The following GIGYF1 variants were observed in gnomAD, a reference collection of about 807,000 sequenced individuals.
The protein encoded by GIGYF1 is GRB10 interacting GYF protein 1, also known as GRB10-interacting GYF protein 1.
In GIGYF1, 84 loss-of-function variants were observed where a neutral mutation model predicts 147.1. The ratio of observed to expected loss-of-function variants is 0.57; its 90% CI spans 0.48 to 0.68. GIGYF1 has a LOEUF of 0.68. Ranked by LOEUF, GIGYF1 falls within the 30% of genes least tolerant of loss-of-function variation. The pLI is 0.00. For synonymous variants in GIGYF1, 752 were observed against 589.5 expected (o/e 1.28, Z -3.99); for missense variants, 1,485 against 1,393.7 (o/e 1.07, Z -1.04).
chr7:100,685,624 T>C (rs980250488), intron 12 of GIGYF1, 143 bp from the exon 13 acceptor site: 2 of 901,246 alleles, frequency 2.2e-6, no homozygotes, highest in Non-Finnish European at 1.7e-6. Context: ...ACTCAACTAA[T>C]GGCAGAGGGA....
chr7:100,687,139 C>T, intron 8 of GIGYF1, 93 bp from the exon 9 acceptor site: 1 of 1,557,858 alleles, frequency 6.4e-7, no homozygotes, highest in Non-Finnish European at 8.9e-7. Context: ...TGCCCTGAGG[C>T]AGTGGAGGGA....
rs201435594 is a variant in GIGYF1 at position 100,683,483 on chromosome 7, G to C, written c.2053-39C>G. 4.1e-5 allele frequency: 66 copies of C among 1,613,860 alleles called. No homozygotes were observed. In the African/African-American group the frequency reaches 6.9e-4, roughly 17 times the overall value. On this transcript the variant is annotated intron_variant, in intron 20 of 26. Coordinates refer to ENST00000678049, the MANE Select transcript of GIGYF1 (RefSeq NM_001375765.1). Reference sequence around the variant, plus strand: ...CCCATCAGAGGGGAGAGCTGCAGGGGACAGCCTGGGGCCTGCCTCGGTCCA... The same window carrying C: ...CCCATCAGAGGGGAGAGCTGCAGGGCACAGCCTGGGGCCTGCCTCGGTCCA...
chr7:100,683,959 C>G, intron 18 of GIGYF1, 41 bp from the exon 19 acceptor site: 1 of 1,568,546 alleles, frequency 6.4e-7, no homozygotes, highest in Non-Finnish European at 8.6e-7. Flanking sequence ...CCAAATCCAT[C>G]TCTGGTCTGC....
At position 100,683,052 on chromosome 7, in the gene GIGYF1, G is replaced by A. The variant is rs1440419323; in HGVS notation, c.2372C>T (p.Pro791Leu). 5.7e-6 allele frequency: 9 copies of A among 1,572,848 alleles called. No individual in the cohort carries two copies. The African/African-American group carries it at 9.4e-5, about 16-fold the overall frequency. Residue 791 changes from proline (P) to leucine (L), a missense_variant, in exon 22 of 27, where the codon CCT becomes CTT. Pro to Leu is a moderately conservative substitution (Grantham distance 98). Coordinates refer to ENST00000678049, the MANE Select transcript of GIGYF1 (RefSeq NM_001375765.1). ...GGCCTGGGCCCGAGCTGGCTCCCGA[G>A]GTGGGGGCTGTTTGTGCAGCTGCCG... ...GERQLHKQPP[P>L]REPARAQAPN...
In GIGYF1 at chr7:100,682,091, T is replaced by C; in HGVS notation, c.2906A>G (p.Gln969Arg). The C allele has an allele frequency of 6.2e-7, 1 of 1,613,526 alleles. No individual in the cohort carries two copies. The highest frequency in any genetic ancestry group is 8.5e-7 in the Non-Finnish European group (1 of 1,179,824). Reference protein sequence around the residue: ...LERRAKQKASQQRQQQQEAWL... With the variant: ...LERRAKQKASRQRQQQQEAWL... ...CCTCACCTGCTGCTGCTGCCGCTGC[T>C]GGCTGGCTTTCTGCTTGGCCCTCCG... Residue 969 changes from glutamine (Q) to arginine (R), a missense_variant, in exon 25 of 27, where the codon CAG becomes CGG. Coordinates refer to ENST00000678049, the MANE Select transcript of GIGYF1 (RefSeq NM_001375765.1).
chr7:100,688,742 G>A lies in GIGYF1; in HGVS notation c.-285C>T, dbSNP rs374122189. ...CCCTTAAGGAGAGCAGGGGGGAGGA[G>A]GGAGGGTTCAGGACATGGCTCTGCC... On this transcript the variant is annotated 5_prime_UTR_variant, in exon 2 of 27. Transcript: ENST00000678049. The A allele has an allele frequency of 3.0e-4, 97 of 327,150 alleles. No homozygotes were observed. Among genetic ancestry groups the A allele is most frequent in the African/African-American group, 1.9e-3 (89 of 46,454 alleles). The allele number at this position is 327,150 out of a possible 1,614,324, so 20.3% of individuals were successfully genotyped here.
At chr7:100,694,062 C>G (rs947224249) in intron 1 of GIGYF1, 48 bp downstream of exon 1, 7 of 146,276 alleles carry the variant, frequency 4.8e-5, no homozygotes, top group African/African-American at 1.7e-4. Flanking sequence ...CGGGCCTGCC[C>G]CGGGGCTGGG....
intron 21 of GIGYF1, 33 bp from the exon 22 acceptor site, chr7:100,683,263 A>T: frequency 6.2e-7 from 1 of 1,613,392 alleles, no homozygotes; most frequent in East Asian, 2.2e-5. Context: ...GGACCTGGCG[A>T]GGGTTGTCCA....
chr7:100,684,983 G>A (rs752105038), intron 14 of GIGYF1, 66 bp downstream of exon 14: 7 of 1,561,326 alleles, frequency 4.5e-6, no homozygotes, highest in Middle Eastern at 3.3e-4. Flanking sequence ...CTGGGGCCGG[G>A]GCTGGGGCCA....
At position 100,684,345 on chromosome 7, in the gene GIGYF1, G is replaced by A. The variant is rs760539218; in HGVS notation, c.1630-8C>T. On this transcript the variant is annotated splice_polypyrimidine_tract_variant and splice_region_variant and intron_variant, in intron 16 of 26. Transcript: ENST00000678049. ...CTCCTGGTCCATGTTTCCCTGCTCA[G>A]GTGAGAGCTCGGCCAGTGCCCCCAG... 6.3e-7 allele frequency: 1 copy of A among 1,595,244 alleles called. No individual in the cohort carries two copies. Among genetic ancestry groups the A allele is most frequent in the Non-Finnish European group, 8.5e-7 (1 of 1,172,298 alleles).
chr7:100,687,514 G>A lies in GIGYF1; in HGVS notation c.364C>T (p.Arg122Trp), dbSNP rs745822408. ...AGTSRGRGST[R>W]SRGRGRGDSC... ...GCCATCACCCCTCTACCTCGGCTCC[G>A]CGTGCTGCCCCTGCCTCGGGAGGTG... is the stretch of plus-strand genomic sequence containing the variant. The change falls in exon 7 of 27, where the codon CGG (arginine) becomes TGG (tryptophan). Residue 122 changes from arginine (R) to tryptophan (W), a missense_variant. By Grantham distance (101) the Arg-to-Trp change is moderately radical (BLOSUM62 -3). Coordinates refer to ENST00000678049, the MANE Select transcript of GIGYF1 (RefSeq NM_001375765.1). The A allele has an allele frequency of 1.7e-5, 28 of 1,611,378 alleles. No homozygotes were observed. Among genetic ancestry groups the A allele is most frequent in the East Asian group, 4.5e-5 (2 of 44,862 alleles).
At chr7:100,687,681 C>G in intron 6 of GIGYF1, 65 bp from the exon 7 acceptor site, 1 of 1,425,774 alleles carries the variant, frequency 7.0e-7, no homozygotes, top group Non-Finnish European at 9.7e-7. Context: ...CCCCACCCCA[C>G]AGCACCCTCC....
chr7:100,682,562 T>C (rs1354541459), intron 23 of GIGYF1, 28 bp downstream of exon 23: 2 of 1,590,624 alleles, frequency 1.3e-6, no homozygotes, highest in African/African-American at 2.7e-5. Context: ...CTCAGGGCCA[T>C]CCCGGAGCCT....
intron 8 of GIGYF1, 42 bp from the exon 9 acceptor site, chr7:100,687,088 C>A: frequency 6.2e-7 from 1 of 1,612,900 alleles, no homozygotes; most frequent in Non-Finnish European, 8.5e-7. Flanking sequence ...AGTACAGCCT[C>A]CCCTGCCACC....
At position 100,682,207 on chromosome 7, in the gene GIGYF1, C is replaced by T. The variant is rs767043668; in HGVS notation, c.2790G>A (p.Glu930=). 2 of 1,613,216 alleles carry T rather than the reference C, an allele frequency of 1.2e-6. No homozygotes were observed. Among genetic ancestry groups the T allele is most frequent in the Non-Finnish European group, 1.7e-6 (2 of 1,179,926 alleles). The change falls in exon 25 of 27, where the codon GAG becomes GAA. Residue 930 remains glutamate (E), a synonymous_variant. Transcript: ENST00000678049. ...DVPMAVAILK[E]VESPYDVHDY... ...CGTGGACATCATAGGGGGATTCCAC[C>T]TCCTTGAGGATCGCTACAGCCATGG... is the stretch of plus-strand genomic sequence containing the variant.
intron 19 of GIGYF1, 64 bp downstream of exon 19, chr7:100,683,754 C>T: frequency 6.5e-7 from 1 of 1,549,402 alleles, no homozygotes; most frequent in Non-Finnish European, 8.9e-7. Context: ...GGGTGGGGAG[C>T]AGACCCCAGA....
At position 100,688,240 on chromosome 7, in the gene GIGYF1, G is replaced by T; in HGVS notation, c.-2C>A. On this transcript the variant is annotated 5_prime_UTR_variant, in exon 4 of 27. Transcript: ENST00000678049. ...AAAGTTGAGTGTCTCTGCTGCCATCGTGGGGCTGGGCGTGTTTGAGAGGCC... is the reference window on the plus strand; with the variant it reads ...AAAGTTGAGTGTCTCTGCTGCCATCTTGGGGCTGGGCGTGTTTGAGAGGCC... 6.2e-7 allele frequency: 1 copy of T among 1,612,538 alleles called. No homozygotes were observed.
In GIGYF1 at chr7:100,687,611, GT is replaced by G; in HGVS notation, c.266del (p.Asn89ThrfsTer6). 6.2e-7 allele frequency: 1 copy of G among 1,610,450 alleles called. No homozygotes were observed. Among genetic ancestry groups the G allele is most frequent in the Non-Finnish European group, 8.5e-7 (1 of 1,178,922 alleles). ...LEPLTEEEQR[N>X]FSLSVNSVAV... ...CCACGCTGTTCACTGACAGGGAGAA[GT>G]TTCTCTGAGGAGGGAGCCAGGGGCG... On this transcript the variant is annotated frameshift_variant, in exon 7 of 27. Coordinates refer to ENST00000678049, the MANE Select transcript of GIGYF1 (RefSeq NM_001375765.1). LOFTEE classifies it high-confidence loss of function.
intron 25 of GIGYF1, 35 bp from the exon 26 acceptor site, chr7:100,682,028 G>A (rs776878467): frequency 1.2e-6 from 2 of 1,610,346 alleles, no homozygotes; most frequent in Non-Finnish European, 8.5e-7. Context: ...AGGTCAGGAG[G>A]CACCAGGCAA....
Sources: allele counts gnomAD v4.1 joint callset, GRCh38; gene constraint gnomAD v4.1.1; transcripts MANE v1.5; gene names NCBI Gene and HGNC (gene_info 2026-07-23, HGNC 2026-07-21).